Variants in ARHGEF17 observed in about 807,000 individuals in gnomAD.
The protein encoded by ARHGEF17 is Rho guanine nucleotide exchange factor 17.
Under a neutral mutation model 174.0 loss-of-function variants are expected in ARHGEF17, and 80 were observed. That is an observed-to-expected ratio of 0.46 (90% CI 0.38 to 0.55). ARHGEF17 has a LOEUF of 0.55. ARHGEF17 is among the 20% of genes least tolerant of loss of function. ARHGEF17 has a pLI of 0.00. For missense variants in ARHGEF17, 2,886 were observed against 2,839.7 expected (o/e 1.02, Z -0.37); for synonymous variants, 1,311 against 1,189.1 (o/e 1.10, Z -2.11).
intron 1 of ARHGEF17, among the ~76,000 whole-genome samples, chr11:73,343,704 G>A (rs1008897590): frequency 6.6e-6 from 1 of 152,066 alleles, no homozygotes; most frequent in African/African-American, 2.4e-5. Flanking sequence ...ATGCTGCGGT[G>A]GGAACAGCAG....
At chr11:73,363,144 A>G in intron 14 of ARHGEF17, 62 bp from the exon 15 acceptor site, 1 of 1,465,488 alleles carries the variant, frequency 6.8e-7, no homozygotes, top group Non-Finnish European at 9.0e-7. Flanking sequence ...CATGGCCTAG[A>G]AAGATATCAG....
In ARHGEF17 at chr11:73,310,082, C is replaced by A; in HGVS notation, c.1444C>A (p.Leu482Ile). 1 of 1,614,190 alleles carries A rather than the reference C, an allele frequency of 6.2e-7. No homozygotes were observed. Among genetic ancestry groups the A allele is most frequent in the Non-Finnish European group, 8.5e-7 (1 of 1,180,040 alleles). Residue 482 changes from leucine to isoleucine, a missense_variant, in exon 1 of 21, where the codon CTT becomes ATT. This residue lies in a region of ARHGEF17 where 1,728 missense variants were observed against 1,461.2 expected (regional missense o/e 1.18). Transcript: ENST00000263674. ...GCTTCTCAGTTTCCTGCGCTCAGAC[C>A]TTTCAGAGCTGAGGGTCCGAAAACC... ...LTLLSFLRSD[L>I]SELRVRKPGG...
chr11:73,363,684 G>A, intron 15 of ARHGEF17, 63 bp from the exon 16 acceptor site: 2 of 1,594,570 alleles, frequency 1.3e-6, no homozygotes, highest in Non-Finnish European at 1.7e-6. Context: ...AAGAGGTGGA[G>A]GGATGACTCC....
At chr11:73,312,112 T>A (rs755819149) in intron 1 of ARHGEF17, among the ~76,000 whole-genome samples, 2 of 152,198 alleles carry the variant, frequency 1.3e-5, no homozygotes, top group African/African-American at 2.4e-5. Context: ...TCTTATCTTG[T>A]CCTTTGGATG....
intron 1 of ARHGEF17, among the ~76,000 whole-genome samples, chr11:73,323,651 C>T (rs1865053603): frequency 6.6e-6 from 1 of 152,202 alleles, no homozygotes; most frequent in South Asian, 2.1e-4. Context: ...CCCCTCTGGC[C>T]TGGACCCGCC....
chr11:73,310,612 A>G lies in ARHGEF17; in HGVS notation c.1974A>G (p.Ala658=). ...IGADPEPPVA[A]FCGLGTTGMW... ...CAGACCCTGAGCCTCCTGTTGCAGC[A>G]TTTTGCGGCCTGGGTACCACAGGGA... Residue 658 remains alanine, a synonymous_variant, in exon 1 of 21, where the codon GCA becomes GCG. Coordinates refer to ENST00000263674, the MANE Select transcript of ARHGEF17 (RefSeq NM_014786.4). 1.2e-6 allele frequency: 2 copies of G among 1,614,066 alleles called. No homozygotes were observed. Among genetic ancestry groups the G allele is most frequent in the Non-Finnish European group, 8.5e-7 (1 of 1,180,012 alleles).
At chr11:73,356,681 G>A (rs1370042292) in intron 6 of ARHGEF17, 28 bp from the exon 7 acceptor site, 19 of 1,613,658 alleles carry the variant, frequency 1.2e-5, no homozygotes, top group South Asian at 9.9e-5. Context: ...ACTGGCCTTC[G>A]AGATGCCTTG....
intron 1 of ARHGEF17, among the ~76,000 whole-genome samples, chr11:73,343,731 C>T (rs1865414840): frequency 6.6e-6 from 1 of 152,136 alleles, no homozygotes; most frequent in Admixed American, 6.5e-5. Flanking sequence ...CGTTCTCGCT[C>T]AGTGTGTGTA....
In ARHGEF17 at chr11:73,336,670, C is replaced by T. The variant is rs1312706858; in HGVS notation, c.3193-10213C>T. Among the ~76,000 whole-genome samples, 4 of 152,208 alleles carry T rather than the reference C, an allele frequency of 2.6e-5. No homozygotes were observed. The East Asian group carries it at 7.7e-4, about 29-fold the overall frequency. On this transcript the variant is annotated intron_variant, in intron 1 of 20. Transcript: ENST00000263674. ...TTTCTCCTGTCAGCATATGAAGGAC[C>T]CTGGGTTCACATTCCGTCTCTTCCA...
chr11:73,319,314 G>A (rs553508486), intron 1 of ARHGEF17, among the ~76,000 whole-genome samples: 7 of 151,936 alleles, frequency 4.6e-5, no homozygotes, highest in African/African-American at 1.2e-4. Flanking sequence ...CGCCTGCCTC[G>A]ACCTCCCAAA....
chr11:73,357,109 T>G lies in ARHGEF17; in HGVS notation c.3976T>G (p.Ser1326Ala). 6.2e-7 allele frequency: 1 copy of G among 1,614,118 alleles called. No homozygotes were observed. Among genetic ancestry groups the G allele is most frequent in the Non-Finnish European group, 8.5e-7 (1 of 1,180,030 alleles). ...VCTTLKRKSG[S>A]LRRSSMSLYT... The stretch of plus-strand genomic sequence containing the variant: ...CACCACTCTGAAGCGAAAGTCAGGC[T>G]CCCTGCGGCGCAGCTCCATGAGCCT... The change falls in exon 8 of 21, where the codon TCC (serine) becomes GCC (alanine). Residue 1326 changes from serine to alanine, a missense_variant. This residue lies in a region of ARHGEF17 where 353 missense variants were observed against 470.3 expected (regional missense o/e 0.75). Coordinates refer to ENST00000263674, the MANE Select transcript of ARHGEF17 (RefSeq NM_014786.4).
intron 1 of ARHGEF17, among the ~76,000 whole-genome samples, chr11:73,342,151 TAGGGGTGGGAGCACAGTC>T (rs1487891778): frequency 1.3e-5 from 1 of 78,784 alleles, no homozygotes; most frequent in Non-Finnish European, 2.4e-5. Flanking sequence ...GAGCACAGTC[TAGGGGTGGGAGCACAGTC>T]TAGGGGTGGG....
chr11:73,334,227 G>T (rs928453078), intron 1 of ARHGEF17, among the ~76,000 whole-genome samples: 2 of 152,242 alleles, frequency 1.3e-5, no homozygotes, highest in East Asian at 1.9e-4. Flanking sequence ...TTTGGTCAGT[G>T]CCCTGGTCTA....
rs368754119 is a variant in ARHGEF17 at position 73,352,878 on chromosome 11, C to T, written c.3319C>T (p.Pro1107Ser). 1.2e-5 allele frequency: 20 copies of T among 1,613,980 alleles called. No homozygotes were observed. In the African/African-American group the frequency reaches 2.4e-4, roughly 19 times the overall value. ...KQPENSVLCD[P>S]SLVDEIFDQI... ...GCCAGAGAACTCCGTGCTCTGTGAC[C>T]CTTCACTGGTGGACGAGATCTTCGA... Residue 1107 changes from proline (P) to serine (S), a missense_variant, in exon 3 of 21, where the codon CCT becomes TCT. Pro to Ser is a moderately conservative substitution (Grantham distance 74, BLOSUM62 -1). Coordinates refer to ENST00000263674, the MANE Select transcript of ARHGEF17 (RefSeq NM_014786.4).
rs566059993 is a variant in ARHGEF17 at position 73,340,733 on chromosome 11, A to G, written c.3193-6150A>G. 2.0e-5 allele frequency among the ~76,000 whole-genome samples: 3 copies of G among 152,346 alleles called. No individual in the cohort carries two copies. The South Asian group carries it at 6.2e-4, about 32-fold the overall frequency. Reference sequence around the variant, plus strand: ...ATCCTCAGTGACCAAGCAATGAGCCAGGGATGGGGCCTTCAGACCACCACT... The same window carrying G: ...ATCCTCAGTGACCAAGCAATGAGCCGGGGATGGGGCCTTCAGACCACCACT... On this transcript the variant is annotated intron_variant, in intron 1 of 20. Coordinates refer to ENST00000263674, the MANE Select transcript of ARHGEF17 (RefSeq NM_014786.4).
rs761280765 is a variant in ARHGEF17, at chr11:73,362,498, A to T, written c.4760A>T (p.Asp1587Val). 20 of 1,601,206 alleles carry T rather than the reference A, an allele frequency of 1.2e-5. No homozygotes were observed. The highest frequency in any genetic ancestry group is 1.7e-5 in the Admixed American group (1 of 59,758). ...CCGGAGCCCGCCGGGCCGGAGCTGGACGTCGAGGCCGCTGCAGACGAGGAA... is the reference window on the plus strand; with the variant it reads ...CCGGAGCCCGCCGGGCCGGAGCTGGTCGTCGAGGCCGCTGCAGACGAGGAA... ...TAPEPAGPEL[D>V]VEAAADEEAA... Residue 1587 changes from aspartate to valine, a missense_variant, in exon 14 of 21, where the codon GAC becomes GTC. By Grantham distance (152) the Asp-to-Val change is radical (BLOSUM62 -3). Around this residue, in one of 4 missense-constraint regions of ARHGEF17, gnomAD observed 476 missense variants for 473.1 expected, o/e 1.01. Coordinates refer to ENST00000263674, the MANE Select transcript of ARHGEF17 (RefSeq NM_014786.4).
At position 73,308,936 on chromosome 11, in the gene ARHGEF17, G is replaced by GTCT. The variant is rs1565182240; in HGVS notation, c.298_299insTCT (p.Gly100delinsValTrp). On this transcript the variant is annotated protein_altering_variant, in exon 1 of 21. Transcript: ENST00000263674. ...GCCGCGTCTGGACGACGGCTCCGCTGGGACCCGAGACGGAGGCGTCTTACC... is the reference window on the plus strand; with the variant it reads ...GCCGCGTCTGGACGACGGCTCCGCTGTCTGGACCCGAGACGGAGGCGTCTTACC... The GTCT allele has an allele frequency of 1.5e-6, 2 of 1,364,052 alleles. No individual in the cohort carries two copies. The highest frequency in any genetic ancestry group is 1.9e-6 in the Non-Finnish European group (2 of 1,064,808). The allele number at this position is 1,364,052 out of a possible 1,614,324, so 84.5% of individuals were successfully genotyped here. A position where few individuals can be genotyped will look rare whatever the true frequency, so the allele number is the denominator to read the frequency against.
At position 73,309,987 on chromosome 11, in the gene ARHGEF17, G is replaced by A. The variant is rs3741150; in HGVS notation, c.1349G>A (p.Gly450Glu). The A allele has an allele frequency of 8.1e-5, 131 of 1,614,044 alleles. 3 individuals are homozygous for A. In the East Asian group the frequency reaches 2.7e-3, roughly 33 times the overall value. The change falls in exon 1 of 21, where the codon GGA (glycine) becomes GAA (glutamate). Residue 450 changes from glycine (G) to glutamate (E), a missense_variant. By Grantham distance (98) the Gly-to-Glu change is moderately conservative. This residue lies in a region of ARHGEF17 where 1,728 missense variants were observed against 1,461.2 expected (regional missense o/e 1.18). Transcript: ENST00000263674. ...ACCTCTAGGGCATTGAGGGATGGAGGATTTGAGCCTGAAAAGAGTCGACAG... is the reference window on the plus strand; with the variant it reads ...ACCTCTAGGGCATTGAGGGATGGAGAATTTGAGCCTGAAAAGAGTCGACAG... The part of the protein sequence containing the change: ...GGTSRALRDG[G>E]FEPEKSRQRK...
chr11:73,337,370 C>T (rs973480383), intron 1 of ARHGEF17, among the ~76,000 whole-genome samples: 1 of 149,416 alleles, frequency 6.7e-6, no homozygotes, highest in Non-Finnish European at 1.5e-5. Context: ...CGCCACTACA[C>T]TCCAGCCTGG....
Sources: gnomAD v4.1 joint callset for allele counts (sites outside exome capture counted in the v4.1 genomes callset) on GRCh38, gnomAD v4.1.1 for gene constraint, gnomAD v4.1.1 regional missense constraint, MANE v1.5 for transcripts, NCBI Gene and HGNC (gene_info 2026-07-23, HGNC 2026-07-21) for gene names.